The following CNTNAP2 variants were observed in gnomAD, a reference collection of about 807,000 sequenced individuals.
CNTNAP2 encodes contactin-associated protein-like 2.
In CNTNAP2, 98 loss-of-function variants were observed where a neutral mutation model predicts 155.2. The observed-to-expected ratio is 0.63, with a 90% confidence interval of 0.54 to 0.75. CNTNAP2 has a LOEUF of 0.75. CNTNAP2 is among the 30% of genes least tolerant of loss of function. CNTNAP2 has a pLI of 0.00. For synonymous variants in CNTNAP2, 651 were observed against 631.2 expected, an observed-to-expected ratio of 1.03 and a Z score of -0.47; for missense variants, 1,727 against 1,688.1, an observed-to-expected ratio of 1.02 and a Z score of -0.40.
chr7:146,552,692 C>T lies in CNTNAP2; in HGVS notation c.98-221579C>T, dbSNP rs558340646. Among the ~76,000 whole-genome samples the T allele has an allele frequency of 2.0e-5, 3 of 152,124 alleles. No homozygotes were observed. In the East Asian group the frequency reaches 5.8e-4, roughly 29 times the overall value. On this transcript the variant is annotated intron_variant, in intron 1 of 23. Transcript: ENST00000361727. ...GCACTTATTGTAATGTATGAGACCC[C>T]TCTTGGTTTGTGCCCCCATTATCTC...
chr7:146,776,035 A>T (rs1249660395), intron 2 of CNTNAP2, among the ~76,000 whole-genome samples: 1 of 152,186 alleles, frequency 6.6e-6, no homozygotes, highest in East Asian at 1.9e-4. Flanking sequence ...TATAAATTTT[A>T]ATATATTTCT....
chr7:146,337,549 C>T (rs1179284891), intron 1 of CNTNAP2, among the ~76,000 whole-genome samples: 3 of 152,210 alleles, frequency 2.0e-5, no homozygotes, highest in East Asian at 3.8e-4. Context: ...ACCTCCTCAT[C>T]CCAGGCTCAT....
intron 1 of CNTNAP2, among the ~76,000 whole-genome samples, chr7:146,731,931 T>C (rs1259682407): frequency 1.3e-5 from 2 of 151,812 alleles, no homozygotes; most frequent in Non-Finnish European, 2.9e-5. Context: ...ATTACATTTT[T>C]TGTCTATATA....
At chr7:147,281,789 G>T (rs928925679) in intron 8 of CNTNAP2, among the ~76,000 whole-genome samples, 1 of 151,826 alleles carries the variant, frequency 6.6e-6, no homozygotes, top group Non-Finnish European at 1.5e-5. Flanking sequence ...TGGTGAGTTA[G>T]TCATCACCTG....
intron 21 of CNTNAP2, among the ~76,000 whole-genome samples, chr7:148,377,195 G>C (rs1798984044): frequency 1.5e-5 from 1 of 67,538 alleles, no homozygotes; most frequent in South Asian, 4.1e-4. Flanking sequence ...TCAGGTGCTG[G>C]CCCAGCAGTG....
chr7:146,155,870 T>A (rs937818204), intron 1 of CNTNAP2, among the ~76,000 whole-genome samples: 8 of 151,728 alleles, frequency 5.3e-5, no homozygotes, highest in African/African-American at 1.9e-4. Flanking sequence ...TGACTAATTT[T>A]TTTTTGTATT....
At chr7:148,352,082 G>C (rs1798437424) in intron 21 of CNTNAP2, among the ~76,000 whole-genome samples, 1 of 152,194 alleles carries the variant, frequency 6.6e-6, no homozygotes, top group Admixed American at 6.5e-5. Context: ...ATAAGTGTGT[G>C]GTAGGCAGGT....
chr7:147,037,532 G>C (rs1009081239), intron 3 of CNTNAP2, among the ~76,000 whole-genome samples: 1 of 147,818 alleles, frequency 6.8e-6, no homozygotes, highest in Admixed American at 6.9e-5. Context: ...TGCGATCTTG[G>C]CTCACTGCAA....
intron 3 of CNTNAP2, among the ~76,000 whole-genome samples, chr7:146,911,376 A>G (rs1439964523): frequency 1.3e-5 from 2 of 152,108 alleles, no homozygotes; most frequent in African/African-American, 4.8e-5. Context: ...TCGCGGCATT[A>G]TTCACAACAG....
chr7:147,166,488 G>A (rs1802116032), intron 8 of CNTNAP2, among the ~76,000 whole-genome samples: 1 of 152,066 alleles, frequency 6.6e-6, no homozygotes, highest in Non-Finnish European at 1.5e-5. Flanking sequence ...AAATCACCAC[G>A]AAAGAACTTA....
At chr7:146,895,473 G>C (rs1352270957) in intron 3 of CNTNAP2, among the ~76,000 whole-genome samples, 1 of 152,046 alleles carries the variant, frequency 6.6e-6, no homozygotes, top group Non-Finnish European at 1.5e-5. Context: ...TTAGCTATAT[G>C]TGTGTGAGTA....
chr7:147,936,191 T>G (rs750044364), intron 14 of CNTNAP2, among the ~76,000 whole-genome samples: 5 of 152,170 alleles, frequency 3.3e-5, no homozygotes, highest in Non-Finnish European at 7.4e-5. Context: ...AAGTCTTTTT[T>G]GGGAAAGCAA....
intron 3 of CNTNAP2, among the ~76,000 whole-genome samples, chr7:146,967,973 A>C (rs13234180): frequency 0.13 from 16,493 of 123,456 alleles, 1,479 homozygotes; most frequent in Non-Finnish European, 0.2. Context: ...TATTATTTTG[A>C]AATACGTCCC....
chr7:147,047,024 T>A lies in CNTNAP2; in HGVS notation c.550+2970T>A, dbSNP rs532013079. ...TCCAACCTGGGCGACAGAGCCAGAC[T>A]CCGTGTCAAAAAAAAAAAAAAAAAA... On this transcript the variant is annotated intron_variant, in intron 4 of 23. Coordinates refer to ENST00000361727, the MANE Select transcript of CNTNAP2 (RefSeq NM_014141.6). Among the ~76,000 whole-genome samples, 18 of 117,268 alleles carry A rather than the reference T, an allele frequency of 1.5e-4. No homozygotes were observed. In the South Asian group the frequency reaches 5.3e-3, roughly 35 times the overall value. 76.9% of individuals were successfully genotyped at this position (117,268 alleles called of 152,430 possible). A position where few individuals can be genotyped will look rare whatever the true frequency, so the allele number is the denominator to read the frequency against.
intron 2 of CNTNAP2, among the ~76,000 whole-genome samples, chr7:146,817,470 C>CA (rs35732528): frequency 0.1 from 13,863 of 135,616 alleles, 1,968 homozygotes; most frequent in African/African-American, 0.32. Context: ...GAAACTCCAT[C>CA]AAAAAAAAAA....
intron 13 of CNTNAP2, among the ~76,000 whole-genome samples, chr7:147,844,727 G>T: frequency 1.4e-5 from 1 of 69,030 alleles, no homozygotes; most frequent in East Asian, 4.6e-4. Flanking sequence ...TATTGGCTGT[G>T]GGTTTGTCAT....
intron 9 of CNTNAP2, among the ~76,000 whole-genome samples, chr7:147,311,707 T>G (rs745891198): frequency 2.2e-4 from 9 of 41,476 alleles, no homozygotes; most frequent in South Asian, 1.0e-3. Context: ...GAAGTTTGTG[T>G]TTTTTTTTCC....
At chr7:146,189,711 G>T (rs1446134736) in intron 1 of CNTNAP2, among the ~76,000 whole-genome samples, 1 of 152,150 alleles carries the variant, frequency 6.6e-6, no homozygotes, top group African/African-American at 2.4e-5. Context: ...GTGACATTTT[G>T]CAGGTGCGAC....
At chr7:146,580,096 C>T (rs1490329770) in intron 1 of CNTNAP2, among the ~76,000 whole-genome samples, 1 of 152,102 alleles carries the variant, frequency 6.6e-6, no homozygotes, top group African/African-American at 2.4e-5. Context: ...AAAAAGACAG[C>T]ATGACTTTTT....
Sources: allele counts gnomAD v4.1 joint callset (sites outside exome capture counted in the v4.1 genomes callset), GRCh38; gene constraint gnomAD v4.1.1; transcripts MANE v1.5; gene names NCBI Gene and HGNC (gene_info 2026-07-23, HGNC 2026-07-21).